Variants in PLB1 observed in about 807,000 individuals in gnomAD.
PLB1 encodes the protein phospholipase B1.
PLB1 carries 242 observed loss-of-function variants against 227.4 expected under a neutral mutation model. The ratio of observed to expected loss-of-function variants is 1.06; its 90% CI spans 0.96 to 1.18. The LOEUF is 1.18. Among genes scored for constraint, PLB1 ranks in the 50% most tolerant of loss-of-function variants. The pLI, the probability that PLB1 is intolerant of heterozygous loss-of-function variation, is 0.00. For missense variants in PLB1, 1,858 were observed against 1,816.3 expected (o/e 1.02, Z -0.42); for synonymous variants, 757 against 682.2 (o/e 1.11, Z -1.71).
At chr2:28,635,803 G>T (rs1056606934) in intron 56 of PLB1, among the ~76,000 whole-genome samples, 6 of 152,148 alleles carry the variant, frequency 3.9e-5, no homozygotes, top group African/African-American at 1.4e-4. Context: ...CCGAGGCCTA[G>T]TCCTCTACTG....
intron 56 of PLB1, among the ~76,000 whole-genome samples, chr2:28,639,496 G>T (rs1262420193): frequency 6.6e-6 from 1 of 152,214 alleles, no homozygotes; most frequent in Admixed American, 6.5e-5. Flanking sequence ...GCTCTTCCCA[G>T]AAGTTATGAG....
intron 38 of PLB1, 144 bp downstream of exon 38, chr2:28,602,108 TC>T: frequency 8.8e-6 from 7 of 798,020 alleles, no homozygotes; most frequent in Non-Finnish European, 1.4e-5. Context: ...GAGGTTGGGG[TC>T]TAACCCCAAG....
Position 28,509,221 on chromosome 2 carries a change from AGAG to A in PLB1, c.56-7586_56-7584del, listed in dbSNP as rs1667964801. 3.3e-5 allele frequency among the ~76,000 whole-genome samples: 5 copies of A among 152,350 alleles called. No individual in the cohort carries two copies. In the East Asian group the frequency reaches 9.6e-4, roughly 29 times the overall value. On this transcript the variant is annotated intron_variant, in intron 1 of 57. Transcript: ENST00000327757. ...GAACATCAAGGAAATCCATAAATTAAGAGAGCATGCCCTGCTTTAATTTTGCTT... is the reference window on the plus strand; with the variant it reads ...GAACATCAAGGAAATCCATAAATTAAAGCATGCCCTGCTTTAATTTTGCTT...
At chr2:28,638,106 A>C (rs919146751) in intron 56 of PLB1, among the ~76,000 whole-genome samples, 1 of 152,046 alleles carries the variant, frequency 6.6e-6, no homozygotes, top group Non-Finnish European at 1.5e-5. Context: ...AGCAGTGAAA[A>C]GATGACTGCT....
intron 41 of PLB1, 147 bp from the exon 42 acceptor site, chr2:28,605,706 T>A (rs1181305055): frequency 6.0e-6 from 4 of 662,186 alleles, no homozygotes; most frequent in Admixed American, 4.6e-5. Context: ...ATCTCTCTGT[T>A]AAGGTGAATG....
At chr2:28,539,210 T>G in intron 11 of PLB1, 32 bp downstream of exon 11, 1 of 1,569,526 alleles carries the variant, frequency 6.4e-7, no homozygotes, top group South Asian at 1.1e-5. Context: ...GACACGCATC[T>G]GTGACACGGC....
intron 1 of PLB1, among the ~76,000 whole-genome samples, chr2:28,505,532 A>C (rs1667547846): frequency 6.6e-6 from 1 of 152,122 alleles, no homozygotes; most frequent in Non-Finnish European, 1.5e-5. Flanking sequence ...TGTGGGAAAA[A>C]CTTGTTGCCT....
chr2:28,496,132 C>T lies in PLB1; in HGVS notation c.18C>T (p.Gly6=). The change falls in exon 1 of 58, where the codon GGC becomes GGT. Residue 6 remains glycine (G), a synonymous_variant. Coordinates refer to ENST00000327757, the MANE Select transcript of PLB1 (RefSeq NM_153021.5). ...ATTCTGGCATGGGGCTGCGGCCAGGCATTTTCCTCCTGGAGCTGCTGCTGC... is the reference window on the plus strand; with the variant it reads ...ATTCTGGCATGGGGCTGCGGCCAGGTATTTTCCTCCTGGAGCTGCTGCTGC... MGLRP[G]IFLLELLLLL... 1.9e-6 allele frequency: 3 copies of T among 1,614,124 alleles called. No homozygotes were observed. The highest frequency in any genetic ancestry group is 1.1e-5 in the South Asian group (1 of 91,072).
At position 28,626,476 on chromosome 2, in the gene PLB1, G is replaced by GTCA; in HGVS notation, c.3629_3631dup (p.Val1210_Asn1211insIle). The GTCA allele has an allele frequency of 6.2e-7, 1 of 1,614,162 alleles. No individual in the cohort carries two copies. The highest frequency in any genetic ancestry group is 8.5e-7 in the Non-Finnish European group (1 of 1,180,034). ...GAAGCTGGTCACACTCTTCATTGGG[G>GTCA]TCAACGACTTGTGTCATTACTGTGA... is the stretch of plus-strand genomic sequence containing the variant. On this transcript the variant is annotated inframe_insertion, in exon 51 of 58. Coordinates refer to ENST00000327757, the MANE Select transcript of PLB1 (RefSeq NM_153021.5).
At chr2:28,515,101 G>T (rs1286492870) in intron 1 of PLB1, among the ~76,000 whole-genome samples, 1 of 152,226 alleles carries the variant, frequency 6.6e-6, no homozygotes, top group Non-Finnish European at 1.5e-5. Context: ...TAAGTGCTTA[G>T]AACAGTGCCT....
chr2:28,601,469 CCACA>C lies in PLB1; in HGVS notation c.2607+165_2607+168del, dbSNP rs3071740. On this transcript the variant is annotated intron_variant, in intron 37 of 57. Coordinates refer to ENST00000327757, the MANE Select transcript of PLB1 (RefSeq NM_153021.5). ...ACCTATGTCTGCACATATACACATACCACACACACACACACACACACACACACAC... is the reference window on the plus strand; with the variant it reads ...ACCTATGTCTGCACATATACACATACCACACACACACACACACACACACAC... The C allele has an allele frequency of 4.1e-3, 2,454 of 594,016 alleles. 11 individuals carry two copies. Among genetic ancestry groups the C allele is most frequent in the African/African-American group, 0.021 (1,101 of 53,286 alleles). 36.8% of individuals were successfully genotyped at this position (594,016 alleles called of 1,614,324 possible).
intron 20 of PLB1, among the ~76,000 whole-genome samples, chr2:28,568,863 C>T (rs1677516551): frequency 6.6e-6 from 1 of 152,188 alleles, no homozygotes; most frequent in African/African-American, 2.4e-5. Context: ...TTGCCCTATC[C>T]AATGTGTGGT....
At chr2:28,518,938 G>A (rs1027789848) in intron 3 of PLB1, among the ~76,000 whole-genome samples, 1 of 152,094 alleles carries the variant, frequency 6.6e-6, no homozygotes, top group East Asian at 1.9e-4. Flanking sequence ...CATATTGAGA[G>A]GCTGCATTAC....
chr2:28,534,687 GTACTAAAAA>G (rs1170345957), intron 9 of PLB1, among the ~76,000 whole-genome samples: 2 of 151,738 alleles, frequency 1.3e-5, no homozygotes, highest in Non-Finnish European at 1.5e-5. Context: ...AACCCCATCT[GTACTAAAAA>G]TACAAAAATT....
At position 28,603,893 on chromosome 2, in the gene PLB1, AC is replaced by A. The variant is rs1257695270; in HGVS notation, c.2775-71del. The A allele has an allele frequency of 4.2e-6, 6 of 1,421,696 alleles. No homozygotes were observed. In the Admixed American group the frequency reaches 8.5e-5, roughly 20 times the overall value. The allele number at this position is 1,421,696 out of a possible 1,614,324, so 88.1% of individuals were successfully genotyped here. A position where few individuals can be genotyped will look rare whatever the true frequency, so the allele number is the denominator to read the frequency against. On this transcript the variant is annotated intron_variant, in intron 39 of 57. Coordinates refer to ENST00000327757, the MANE Select transcript of PLB1 (RefSeq NM_153021.5). ...GGGAGCCTCTCCACCCCTCCCCTGA[AC>A]CTGGGCAATCAGAACCAGCCCCTGA...
chr2:28,619,071 G>C (rs1210958584), intron 46 of PLB1, among the ~76,000 whole-genome samples: 2 of 152,150 alleles, frequency 1.3e-5, no homozygotes, highest in Non-Finnish European at 2.9e-5. Context: ...TAAGTTCAGG[G>C]GTACATGTGC....
chr2:28,638,280 C>T (rs1026058832), intron 56 of PLB1, among the ~76,000 whole-genome samples: 4 of 151,810 alleles, frequency 2.6e-5, no homozygotes, highest in South Asian at 4.1e-4. Context: ...AATTGAGAAG[C>T]GCATGTCAAG....
chr2:28,603,906 GA>G, intron 39 of PLB1, 59 bp from the exon 40 acceptor site: 2 of 1,521,112 alleles, frequency 1.3e-6, no homozygotes, highest in South Asian at 2.3e-5. Context: ...TGGGCAATCA[GA>G]ACCAGCCCCT....
chr2:28,642,244 T>C (rs1381049521), intron 57 of PLB1, among the ~76,000 whole-genome samples: 3 of 152,144 alleles, frequency 2.0e-5, no homozygotes, highest in African/African-American at 4.8e-5. Flanking sequence ...AACTTCCTCC[T>C]GGGCCACAAG....
Sources: gnomAD v4.1 joint callset for allele counts (sites outside exome capture counted in the v4.1 genomes callset) on GRCh38, gnomAD v4.1.1 for gene constraint, MANE v1.5 for transcripts, NCBI Gene and HGNC (gene_info 2026-07-23, HGNC 2026-07-21) for gene names.